EPB41L4A: variants seen among roughly 807,000 people sequenced by gnomAD.
The protein encoded by EPB41L4A is band 4.1-like protein 4A.
A neutral mutation model predicts 108.6 loss-of-function variants in EPB41L4A; 100 were observed. That is an observed-to-expected ratio of 0.92 (90% CI 0.78 to 1.09). EPB41L4A has a LOEUF of 1.09. EPB41L4A is among the 50% of genes least tolerant of loss of function. The pLI is 0.00. For missense variants in EPB41L4A, 1,030 were observed against 842.7 expected (o/e 1.22, Z -2.75); for synonymous variants, 319 against 289.0 (o/e 1.10, Z -1.05).
chr5:112,323,281 C>G (rs115431740), intron 1 of EPB41L4A, among the ~76,000 whole-genome samples: 88 of 152,280 alleles, frequency 5.8e-4, no homozygotes, highest in African/African-American at 2.1e-3. Flanking sequence ...ATTCTCTAGA[C>G]TGAAAGGGCT....
At chr5:112,149,313 T>C (rs968269280) in intron 12 of EPB41L4A, among the ~76,000 whole-genome samples, 2 of 152,128 alleles carry the variant, frequency 1.3e-5, no homozygotes, top group Non-Finnish European at 2.9e-5. Context: ...CTACTAAAAA[T>C]ACAAAAATAT....
At chr5:112,409,573 A>G (rs1485863519) in intron 1 of EPB41L4A, among the ~76,000 whole-genome samples, 2 of 152,212 alleles carry the variant, frequency 1.3e-5, no homozygotes, top group Non-Finnish European at 1.5e-5. Context: ...TAGAAAACGG[A>G]AAGGAGAGAG....
intron 12 of EPB41L4A, among the ~76,000 whole-genome samples, chr5:112,212,118 C>T (rs1013578748): frequency 6.6e-6 from 1 of 152,176 alleles, no homozygotes; most frequent in Non-Finnish European, 1.5e-5. Context: ...TTTGCCATAA[C>T]CATGTGACCA....
intron 1 of EPB41L4A, among the ~76,000 whole-genome samples, chr5:112,418,240 A>C (rs1471735715): frequency 1.3e-5 from 2 of 152,260 alleles, no homozygotes; most frequent in Non-Finnish European, 2.9e-5. Flanking sequence ...CTACAAACAT[A>C]CGTACCTTCT....
At chr5:112,354,871 A>C (rs1281170677) in intron 1 of EPB41L4A, among the ~76,000 whole-genome samples, 1 of 152,218 alleles carries the variant, frequency 6.6e-6, no homozygotes, top group Admixed American at 6.5e-5. Flanking sequence ...TTTTAACTAC[A>C]TCTTTTATTA....
chr5:112,168,807 G>A lies in EPB41L4A; in HGVS notation c.1864C>T (p.Leu622Phe). The A allele has an allele frequency of 1.2e-6, 2 of 1,613,948 alleles. No homozygotes were observed. The highest frequency in any genetic ancestry group is 1.7e-6 in the Non-Finnish European group (2 of 1,179,828). ...CGGGTCACCGGAAGTGGTGGTACAA[G>A]ATCTGTTTTTGAACTGCAGAGAATG... ...VLSEVNSKTD[L>F]VPPLPVTRSS... is the part of the protein sequence containing the mutation. Residue 622 changes from leucine to phenylalanine, a missense_variant, in exon 22 of 23, where the codon CTT becomes TTT. Coordinates refer to ENST00000261486, the MANE Select transcript of EPB41L4A (RefSeq NM_022140.5).
chr5:112,350,424 C>A (rs1757966584), intron 1 of EPB41L4A, among the ~76,000 whole-genome samples: 1 of 152,168 alleles, frequency 6.6e-6, no homozygotes, highest in Non-Finnish European at 1.5e-5. Flanking sequence ...GTGTAATGAT[C>A]AAGTCAAGGT....
rs1438002596 is a variant in EPB41L4A, at chr5:112,321,496, G to C, written c.100-14006C>G. On this transcript the variant is annotated intron_variant, in intron 1 of 22. Transcript: ENST00000261486. ...GCTTTATTTGATGGAAAAACATACT[G>C]CATTATTATGTACATTATTTGGCAA... Among the ~76,000 whole-genome samples the C allele has an allele frequency of 3.9e-5, 6 of 152,190 alleles. No homozygotes were observed. In the East Asian group the frequency reaches 1.2e-3, roughly 29 times the overall value.
chr5:112,249,173 T>TG (rs943060594), intron 9 of EPB41L4A: 1 of 152,066 alleles, frequency 6.6e-6, no homozygotes, highest in Non-Finnish European at 1.5e-5. Context: ...TCCATAGAGG[T>TG]GGGGAAGAGG....
upstream of EPB41L4A, chr5:112,419,290 C>T: frequency 2.7e-6 from 1 of 372,638 alleles, no homozygotes; most frequent in Non-Finnish European, 4.8e-6. Flanking sequence ...GCGCGGAGGG[C>T]GGTGGCGCGT....
Position 112,416,174 on chromosome 5 carries a change from T to A in EPB41L4A, c.99+2767A>T, listed in dbSNP as rs187995493. On this transcript the variant is annotated intron_variant, in intron 1 of 22. Transcript: ENST00000261486. ...TTTATCTAAGTTGAAGAAAAATCACTTCAAAACTAACTTTTCTATTTGTAA... is the reference window on the plus strand; with the variant it reads ...TTTATCTAAGTTGAAGAAAAATCACATCAAAACTAACTTTTCTATTTGTAA... 3.9e-3 allele frequency among the ~76,000 whole-genome samples: 590 copies of A among 152,250 alleles called. 2 individuals carry two copies. The highest frequency in any genetic ancestry group is 0.017 in the Middle Eastern group (5 of 294).
At chr5:112,190,603 T>A (rs952783410) in intron 17 of EPB41L4A, among the ~76,000 whole-genome samples, 40 of 152,200 alleles carry the variant, frequency 2.6e-4, no homozygotes, top group African/African-American at 9.7e-4. Flanking sequence ...GAAGTGGGTA[T>A]AGGACTACGT....
At chr5:112,385,550 A>C (rs1003493592) in intron 1 of EPB41L4A, among the ~76,000 whole-genome samples, 1 of 151,994 alleles carries the variant, frequency 6.6e-6, no homozygotes, top group African/African-American at 2.4e-5. Flanking sequence ...ACCTAAAGCC[A>C]AAAGCACAAT....
chr5:112,328,633 T>C (rs1004918229), intron 1 of EPB41L4A, among the ~76,000 whole-genome samples: 5 of 152,338 alleles, frequency 3.3e-5, no homozygotes, highest in Non-Finnish European at 2.9e-5. Context: ...TAAAACACCA[T>C]TCAGGTTAAC....
At chr5:112,237,229 A>G (rs574868109) in intron 11 of EPB41L4A, among the ~76,000 whole-genome samples, 1 of 152,320 alleles carries the variant, frequency 6.6e-6, no homozygotes, top group African/African-American at 2.4e-5. Flanking sequence ...TAATAAAACA[A>G]CAGTAACAAC....
chr5:112,412,805 G>A (rs948156954), intron 1 of EPB41L4A, among the ~76,000 whole-genome samples: 3 of 152,234 alleles, frequency 2.0e-5, no homozygotes, highest in African/African-American at 7.2e-5. Context: ...CGTAGATGCA[G>A]CCAGTTTGAT....
chr5:112,251,266 G>A (rs995664392), intron 9 of EPB41L4A, among the ~76,000 whole-genome samples: 1 of 152,150 alleles, frequency 6.6e-6, no homozygotes, highest in Non-Finnish European at 1.5e-5. Context: ...CTATGACCTA[G>A]CAATCCCACT....
chr5:112,290,262 T>C (rs1753560810), intron 2 of EPB41L4A, among the ~76,000 whole-genome samples: 1 of 152,240 alleles, frequency 6.6e-6, no homozygotes, highest in Non-Finnish European at 1.5e-5. Context: ...CTTTTTTTGT[T>C]ACTGAAAATA....
chr5:112,279,058 C>T (rs1050191608), intron 3 of EPB41L4A, among the ~76,000 whole-genome samples: 3 of 125,940 alleles, frequency 2.4e-5, no homozygotes, highest in African/African-American at 1.0e-4. Context: ...GAGCAAGATA[C>T]CGTCTCAAAA....
Sources: gnomAD v4.1 joint callset for allele counts (sites outside exome capture counted in the v4.1 genomes callset) on GRCh38, gnomAD v4.1.1 for gene constraint, MANE v1.5 for transcripts, NCBI Gene and HGNC (gene_info 2026-07-23, HGNC 2026-07-21) for gene names.